The following PPP2R5C variants were observed in gnomAD, a reference collection of about 807,000 sequenced individuals.
The protein encoded by PPP2R5C is protein phosphatase 2 regulatory subunit B'gamma, also known as serine/threonine-protein phosphatase 2A 56 kDa regulatory subunit gamma isoform.
A neutral mutation model predicts 68.9 loss-of-function variants in PPP2R5C; 7 were observed. The ratio of observed to expected loss-of-function variants is 0.10; its 90% CI spans 0.06 to 0.19. The LOEUF (loss-of-function observed/expected upper bound fraction) is 0.19. Ranked by LOEUF, PPP2R5C falls within the 10% of genes least tolerant of loss-of-function variation. The pLI is 1.00. For missense variants in PPP2R5C, 348 were observed against 641.3 expected, an observed-to-expected ratio of 0.54 and a Z score of 4.94; for synonymous variants, 210 against 222.2, an observed-to-expected ratio of 0.95 and a Z score of 0.49.
In PPP2R5C at chr14:101,787,241, T is replaced by G. The variant is rs78982617; in HGVS notation, c.259+1058T>G. ...CTTCAGCGTGGATGACAGACTGAGATCTTGTTCTCAGGAAAAAGAAAAGTA... is the reference window on the plus strand; with the variant it reads ...CTTCAGCGTGGATGACAGACTGAGAGCTTGTTCTCAGGAAAAAGAAAAGTA... On this transcript the variant is annotated intron_variant, in intron 3 of 14. Coordinates refer to the PPP2R5C transcript ENST00000328724. Among the ~76,000 whole-genome samples, 947 of 151,916 alleles carry G rather than the reference T, an allele frequency of 6.2e-3. 9 individuals are homozygous for G. Among genetic ancestry groups the G allele is most frequent in the African/African-American group, 0.022 (899 of 41,420 alleles).
At chr14:101,859,422 A>T (rs2042625831) in intron 2 of PPP2R5C, among the ~76,000 whole-genome samples, 2 of 152,214 alleles carry the variant, frequency 1.3e-5, no homozygotes, top group African/African-American at 4.8e-5. Context: ...CACACATGAG[A>T]TGCTGTCTGT....
chr14:101,898,200 A>C (rs1355487345), intron 8 of PPP2R5C, among the ~76,000 whole-genome samples: 1 of 152,148 alleles, frequency 6.6e-6, no homozygotes, highest in Non-Finnish European at 1.5e-5. Flanking sequence ...AAAAAAAGCT[A>C]TGGAAGGAGA....
chr14:101,892,173 T>C (rs1162313980), intron 6 of PPP2R5C, among the ~76,000 whole-genome samples: 1 of 152,028 alleles, frequency 6.6e-6, no homozygotes, highest in Non-Finnish European at 1.5e-5. Context: ...GCCAGGCTGG[T>C]CTTGAATTCC....
intron 10 of PPP2R5C, among the ~76,000 whole-genome samples, chr14:101,907,380 A>G (rs1281946417): frequency 6.6e-6 from 1 of 152,034 alleles, no homozygotes; most frequent in Non-Finnish European, 1.5e-5. Flanking sequence ...CATGTTGCCC[A>G]GGCTGGTCTC....
At chr14:101,908,797 C>A (rs1373401484) in intron 10 of PPP2R5C, among the ~76,000 whole-genome samples, 1 of 152,092 alleles carries the variant, frequency 6.6e-6, no homozygotes, top group Non-Finnish European at 1.5e-5. Context: ...ACTTCCAATC[C>A]CCGCCCATTG....
At chr14:101,905,814 A>G (rs1351164692) in intron 9 of PPP2R5C, among the ~76,000 whole-genome samples, 1 of 152,034 alleles carries the variant, frequency 6.6e-6, no homozygotes, top group Non-Finnish European at 1.5e-5. Flanking sequence ...CTGACAACTC[A>G]GGACCTCTCC....
chr14:101,807,437 G>C (rs779331346), upstream of PPP2R5C, among the ~76,000 whole-genome samples: 1 of 151,904 alleles, frequency 6.6e-6, no homozygotes, highest in Non-Finnish European at 1.5e-5. Flanking sequence ...CATTCTTCTT[G>C]TTCTTTTATT....
At position 101,912,478 on chromosome 14, in the gene PPP2R5C, TA is replaced by T. The variant is rs2046449669; in HGVS notation, c.1326+11del. On this transcript the variant is annotated splice_donor_region_variant and intron_variant, in intron 12 of 13. Coordinates refer to ENST00000334743, the Ensembl canonical transcript of PPP2R5C. The stretch of plus-strand genomic sequence containing the variant: ...CTAGCCAAAGCCAATCCCCAGGTAC[TA>T]AAAAAGAGAATAACATGAAAACGCC... 4 of 1,599,180 alleles carry T rather than the reference TA, an allele frequency of 2.5e-6. No individual in the cohort carries two copies. Among genetic ancestry groups the T allele is most frequent in the Admixed American group, 1.8e-5 (1 of 56,828 alleles).
intron 3 of PPP2R5C, among the ~76,000 whole-genome samples, chr14:101,793,641 T>G (rs993017675): frequency 2.6e-5 from 4 of 152,250 alleles, no homozygotes; most frequent in African/African-American, 7.2e-5. Context: ...AGTACTCTTT[T>G]AGCTCTGCCA....
At chr14:101,876,120 A>G (rs2043758737) in intron 2 of PPP2R5C, among the ~76,000 whole-genome samples, 1 of 152,150 alleles carries the variant, frequency 6.6e-6, no homozygotes, top group Admixed American at 6.6e-5. Flanking sequence ...TCATTTGCAA[A>G]CAAATGACAA....
chr14:101,883,153 G>A, intron 3 of PPP2R5C, 104 bp from the exon 6 acceptor site: 1 of 745,720 alleles, frequency 1.3e-6, no homozygotes, highest in Middle Eastern at 3.9e-4. Context: ...GTGGCTTTGA[G>A]AGGCTAATAT....
At chr14:101,845,453 TC>T (rs1555390876) in intron 1 of PPP2R5C, among the ~76,000 whole-genome samples, 1 of 150,412 alleles carries the variant, frequency 6.6e-6, no homozygotes, top group Non-Finnish European at 1.5e-5. Context: ...GGGGCGCCTC[TC>T]CACTCCACTC....
chr14:101,798,701 T>C (rs1376491587), intron 3 of PPP2R5C, among the ~76,000 whole-genome samples: 96 of 152,262 alleles, frequency 6.3e-4, no homozygotes, highest in Non-Finnish European at 1.6e-4. Context: ...TTTTGGCCCA[T>C]TGGGCTGTGG....
chr14:101,775,201 C>T (rs1038133439), intron 2 of PPP2R5C, among the ~76,000 whole-genome samples: 8 of 152,144 alleles, frequency 5.3e-5, no homozygotes, highest in Non-Finnish European at 8.8e-5. Context: ...ATCAGTGATT[C>T]GGCCCTGCCC....
Position 101,819,118 on chromosome 14 carries a change from T to TA in PPP2R5C, c.94+9083dup, listed in dbSNP as rs757833041. 4.7e-6 allele frequency: 7 copies of TA among 1,499,436 alleles called. No individual in the cohort carries two copies. The South Asian group carries it at 8.4e-5, about 18-fold the overall frequency. 92.9% of individuals were successfully genotyped at this position (1,499,436 alleles called of 1,614,324 possible). A position where few individuals can be genotyped will look rare whatever the true frequency, so the allele number is the denominator to read the frequency against. ...GTGAGGGTGTCTGTATATGTGTGTTTACATTTGTAGACAGTTTCTGTACAT... is the reference window on the plus strand; with the variant it reads ...GTGAGGGTGTCTGTATATGTGTGTTTAACATTTGTAGACAGTTTCTGTACAT... On this transcript the variant is annotated intron_variant, in intron 1 of 13. Transcript: ENST00000334743.
intron 1 of PPP2R5C, among the ~76,000 whole-genome samples, chr14:101,833,700 C>G (rs540110216): frequency 6.6e-6 from 1 of 152,292 alleles, no homozygotes; most frequent in African/African-American, 2.4e-5. Context: ...GTTCACTGTT[C>G]CAAAACTGTT....
rs375407524 is a variant in PPP2R5C at position 101,833,966 on chromosome 14, G to A, written c.95-22720G>A. On this transcript the variant is annotated intron_variant, in intron 1 of 13. Transcript: ENST00000334743. ...ACAGGCACCCGCCACCTGCCACCAC[G>A]CTCGGCTAATTTTTGTATTTTTGTA... Among the ~76,000 whole-genome samples the A allele has an allele frequency of 5.3e-5, 8 of 152,128 alleles. No individual in the cohort carries two copies. In the South Asian group the frequency reaches 1.2e-3, roughly 24 times the overall value.
chr14:101,769,868 G>C (rs995602834), intron 2 of PPP2R5C, among the ~76,000 whole-genome samples: 1 of 152,114 alleles, frequency 6.6e-6, no homozygotes, highest in Non-Finnish European at 1.5e-5. Context: ...CGTTCTGAGA[G>C]CTGTGTTGTT....
At chr14:101,774,489 T>A (rs2037316473) in intron 2 of PPP2R5C, among the ~76,000 whole-genome samples, 1 of 152,196 alleles carries the variant, frequency 6.6e-6, no homozygotes, top group Admixed American at 6.5e-5. Context: ...ATCTCACTCC[T>A]ATTCTCTGCT....
Sources: gnomAD v4.1 joint callset for allele counts (sites outside exome capture counted in the v4.1 genomes callset) on GRCh38, gnomAD v4.1.1 for gene constraint, MANE v1.5 for transcripts, NCBI Gene and HGNC (gene_info 2026-07-23, HGNC 2026-07-21) for gene names.